Variants in PLXNA4 observed in about 807,000 individuals in gnomAD.
PLXNA4 encodes plexin A4, also known as plexin-A4.
Under a neutral mutation model 191.8 loss-of-function variants are expected in PLXNA4, and 44 were observed. The ratio of observed to expected loss-of-function variants is 0.23; its 90% CI spans 0.18 to 0.29. The LOEUF (loss-of-function observed/expected upper bound fraction) is 0.29, where lower values mean the gene tolerates loss of function less well. Ranked by LOEUF, PLXNA4 falls within the 10% of genes least tolerant of loss-of-function variation. The probability of loss-of-function intolerance (pLI) is 1.00; values close to 1 mark genes in which losing one functional copy is unlikely to be tolerated. For missense variants in PLXNA4, 1,800 were observed against 2,488.8 expected, an observed-to-expected ratio of 0.72 and a Z score of 5.89; for synonymous variants, 1,082 against 1,009.5, an observed-to-expected ratio of 1.07 and a Z score of -1.36.
intron 3 of PLXNA4, among the ~76,000 whole-genome samples, chr7:132,306,304 G>A (rs994506369): frequency 5.3e-5 from 8 of 152,188 alleles, no homozygotes; most frequent in Admixed American, 1.3e-4. Context: ...GTGAGGAGCC[G>A]AAGGAGGGAA....
chr7:132,563,173 TCCTCCTTCTCCTTCC>T (rs1485982736), intron 1 of PLXNA4, among the ~76,000 whole-genome samples: 1 of 56,112 alleles, frequency 1.8e-5, no homozygotes, highest in Non-Finnish European at 4.1e-5. Context: ...CTCCTTCTCC[TCCTCCTTCTCCTTCC>T]TCCTCCTCCT....
chr7:132,261,060 T>C (rs1799624207), intron 4 of PLXNA4, among the ~76,000 whole-genome samples: 1 of 152,204 alleles, frequency 6.6e-6, no homozygotes, highest in Non-Finnish European at 1.5e-5. Flanking sequence ...AAATAGTAAG[T>C]TAGAAAACAG....
intron 5 of PLXNA4, among the ~76,000 whole-genome samples, chr7:132,240,299 G>C (rs1798833785): frequency 6.6e-6 from 1 of 152,208 alleles, no homozygotes; most frequent in African/African-American, 2.4e-5. Flanking sequence ...GATCCCCAAA[G>C]AAAAGCCTTC....
At chr7:132,562,794 ACCTCCTCCTTCT>A (rs368000485) in intron 1 of PLXNA4, among the ~76,000 whole-genome samples, 17,504 of 35,848 alleles carry the variant, frequency 0.49, 3,283 homozygotes, top group Middle Eastern at 0.54. Flanking sequence ...TTCTTTCTCC[ACCTCCTCCTTCT>A]CCTCCTCCTT....
At chr7:132,220,090 A>G (rs1196238745) in intron 9 of PLXNA4, among the ~76,000 whole-genome samples, 1 of 152,228 alleles carries the variant, frequency 6.6e-6, no homozygotes, top group Non-Finnish European at 1.5e-5. Context: ...AGAATGTAAA[A>G]ATATAGCAAG....
intron 3 of PLXNA4, among the ~76,000 whole-genome samples, chr7:132,485,226 C>G (rs1585205334): frequency 6.6e-6 from 1 of 152,200 alleles, no homozygotes; most frequent in Admixed American, 6.5e-5. Flanking sequence ...CCGCAACAGG[C>G]TAATAGCAGG....
At chr7:132,581,252 A>T (rs1436662941), upstream of PLXNA4, among the ~76,000 whole-genome samples, 3 of 152,224 alleles carry the variant, frequency 2.0e-5, no homozygotes, top group South Asian at 6.2e-4. Context: ...TTCAAGGAAG[A>T]TGAGGGGAGG....
intron 10 of PLXNA4, among the ~76,000 whole-genome samples, chr7:132,204,623 G>A (rs535691701): frequency 6.6e-6 from 1 of 152,270 alleles, no homozygotes; most frequent in South Asian, 2.1e-4. Context: ...GGATATCACA[G>A]GAGGCCACTG....
At chr7:132,178,775 A>ACG (rs1796572710) in intron 20 of PLXNA4, among the ~76,000 whole-genome samples, 1 of 110,530 alleles carries the variant, frequency 9.0e-6, no homozygotes, top group East Asian at 2.9e-4. Flanking sequence ...ACACACACAC[A>ACG]GCCTCCAGCA....
At chr7:132,485,156 A>G in intron 3 of PLXNA4, 3 of 1,247,650 alleles carry the variant, frequency 2.4e-6, no homozygotes, top group Non-Finnish European at 3.3e-6. Context: ...ATGTGCACCC[A>G]GTACCTATTC....
intron 2 of PLXNA4, among the ~76,000 whole-genome samples, chr7:132,607,547 C>G (rs1002085300): frequency 6.6e-5 from 10 of 152,210 alleles, no homozygotes; most frequent in African/African-American, 2.4e-4. Flanking sequence ...GTTTTATCTA[C>G]CTTTGACAGA....
chr7:132,606,896 T>C (rs1422284212), intron 2 of PLXNA4, among the ~76,000 whole-genome samples: 3 of 152,210 alleles, frequency 2.0e-5, no homozygotes, highest in African/African-American at 7.2e-5. Flanking sequence ...CAAGCTGATA[T>C]CTGGAATTTA....
At position 132,622,612 on chromosome 7, in the gene PLXNA4, G is replaced by A. The variant is rs575517923; in HGVS notation, c.-87+23316C>T. Among the ~76,000 whole-genome samples, 65 of 152,092 alleles carry A rather than the reference G, an allele frequency of 4.3e-4. 1 individual carries two copies. The highest frequency in any genetic ancestry group is 6.8e-3 in the Middle Eastern group (2 of 292). ...AGAAAAGAGATTTCTTCCATTTTCT[G>A]GTCCCCACTGTGACCTAAGAACTAC... On this transcript the variant is annotated intron_variant, in intron 2 of 4. Coordinates refer to the PLXNA4 transcript ENST00000378539.
intron 3 of PLXNA4, among the ~76,000 whole-genome samples, chr7:132,452,231 C>G (rs566080751): frequency 6.6e-6 from 1 of 152,148 alleles, no homozygotes; most frequent in Non-Finnish European, 1.5e-5. Flanking sequence ...GCAAGGCATC[C>G]CAGCACCATG....
chr7:132,194,823 A>G (rs546996737), intron 13 of PLXNA4, among the ~76,000 whole-genome samples: 20 of 152,328 alleles, frequency 1.3e-4, no homozygotes, highest in South Asian at 1.0e-3. Flanking sequence ...AGTACAGAGT[A>G]TGGCAGTAAA....
At chr7:132,210,151 G>A (rs1429299289) in intron 10 of PLXNA4, among the ~76,000 whole-genome samples, 1 of 152,190 alleles carries the variant, frequency 6.6e-6, no homozygotes, top group African/African-American at 2.4e-5. Context: ...AAAATGTTCT[G>A]AATCTATGTG....
chr7:132,478,871 G>C (rs1468521581), intron 3 of PLXNA4, among the ~76,000 whole-genome samples: 1 of 152,058 alleles, frequency 6.6e-6, no homozygotes, highest in African/African-American at 2.4e-5. Flanking sequence ...AGGTAAAAGT[G>C]GTTAAGCAGA....
At chr7:132,482,949 C>T (rs1216915156) in intron 3 of PLXNA4, among the ~76,000 whole-genome samples, 3 of 152,004 alleles carry the variant, frequency 2.0e-5, no homozygotes, top group African/African-American at 7.3e-5. Context: ...CCTCAGCCTC[C>T]CAAAGTGCTG....
At chr7:132,490,015 G>C (rs1335185057) in intron 2 of PLXNA4, among the ~76,000 whole-genome samples, 2 of 152,206 alleles carry the variant, frequency 1.3e-5, no homozygotes, top group African/African-American at 4.8e-5. Context: ...GAAAACATTA[G>C]CATGTAAGTA....
Sources: gnomAD v4.1 joint callset for allele counts (sites outside exome capture counted in the v4.1 genomes callset) on GRCh38, gnomAD v4.1.1 for gene constraint, MANE v1.5 for transcripts, NCBI Gene and HGNC (gene_info 2026-07-23, HGNC 2026-07-21) for gene names.